The following ZMIZ1 variants were observed in gnomAD, a reference collection of about 807,000 sequenced individuals.
ZMIZ1 encodes zinc finger MIZ domain-containing protein 1.
A neutral mutation model predicts 113.9 loss-of-function variants in ZMIZ1; 17 were observed. The ratio of observed to expected loss-of-function variants is 0.15; its 90% confidence interval spans 0.10 to 0.22. The LOEUF is 0.22. ZMIZ1 is among the 10% of genes least tolerant of loss of function. The pLI is 1.00. For synonymous variants in ZMIZ1, 607 were observed against 603.1 expected, an observed-to-expected ratio of 1.01 and a Z score of -0.09; for missense variants, 1,059 against 1,477.8, an observed-to-expected ratio of 0.72 and a Z score of 4.65.
intron 12 of ZMIZ1, chr10:79,294,949 G>GA (rs1179039178): frequency 6.9e-6 from 1 of 144,944 alleles, no homozygotes; most frequent in East Asian, 2.3e-4. Context: ...GAGAGGGGGG[G>GA]GGGTCAGGGG....
At chr10:79,081,980 C>T (rs770097354) in intron 1 of ZMIZ1, among the ~76,000 whole-genome samples, 15 of 152,252 alleles carry the variant, frequency 9.9e-5, no homozygotes, top group Non-Finnish European at 1.5e-4. Context: ...CGAGGTCACA[C>T]GACAAGTCCC....
chr10:79,284,592 G>A (rs1033558219), intron 8 of ZMIZ1, among the ~76,000 whole-genome samples: 1 of 152,200 alleles, frequency 6.6e-6, no homozygotes, highest in African/African-American at 2.4e-5. Context: ...GTACAGTTGA[G>A]CAGGGTCTTT....
Position 79,168,387 on chromosome 10 carries a change from C to A in ZMIZ1, c.-50+6254C>A, listed in dbSNP as rs531641601. 4.8e-4 allele frequency among the ~76,000 whole-genome samples: 73 copies of A among 152,302 alleles called. 1 individual carries two copies. Among genetic ancestry groups the A allele is most frequent in the African/African-American group, 1.7e-3 (70 of 41,554 alleles). On this transcript the variant is annotated intron_variant, in intron 4 of 24. Coordinates refer to ENST00000334512, the MANE Select transcript of ZMIZ1 (RefSeq NM_020338.4). ...CTCCTTCATCTGCACACAGGCACCC[C>A]ATGGCCTTTTTTTGTCTCTGTTCCT...
At chr10:79,277,380 A>G (rs1342236110) in intron 8 of ZMIZ1, 55 bp downstream of exon 8, 3 of 1,512,166 alleles carry the variant, frequency 2.0e-6, no homozygotes, top group Non-Finnish European at 2.7e-6. Flanking sequence ...CTCTGGTCTC[A>G]GATCTCCTTG....
chr10:79,150,632 G>C (rs2132450048), intron 3 of ZMIZ1, among the ~76,000 whole-genome samples: 1 of 152,336 alleles, frequency 6.6e-6, no homozygotes, highest in East Asian at 1.9e-4. Flanking sequence ...AACAGGGAGA[G>C]GCAGACGCTC....
intron 7 of ZMIZ1, among the ~76,000 whole-genome samples, chr10:79,233,856 C>A (rs1032768470): frequency 2.0e-5 from 3 of 152,216 alleles, no homozygotes; most frequent in African/African-American, 7.2e-5. Flanking sequence ...AGGCTGGCAC[C>A]CAGCTGCTGC....
chr10:79,290,301 C>G (rs1853393532), intron 9 of ZMIZ1, among the ~76,000 whole-genome samples: 1 of 152,318 alleles, frequency 6.6e-6, no homozygotes, highest in South Asian at 2.1e-4. Flanking sequence ...CTCCCTACTC[C>G]CCATTGCCCT....
chr10:79,241,124 T>G (rs1291450582), intron 7 of ZMIZ1, among the ~76,000 whole-genome samples: 1 of 152,044 alleles, frequency 6.6e-6, no homozygotes, highest in Non-Finnish European at 1.5e-5. Context: ...ATAATGGAGG[T>G]CCAAGTGTTG....
intron 13 of ZMIZ1, among the ~76,000 whole-genome samples, chr10:79,297,237 C>T (rs1452168465): frequency 6.6e-6 from 1 of 152,118 alleles, no homozygotes; most frequent in African/African-American, 2.4e-5. Context: ...TATCTTCAGG[C>T]ATATAGCCTT....
At chr10:79,217,738 G>A (rs1284841934) in intron 7 of ZMIZ1, among the ~76,000 whole-genome samples, 2 of 152,170 alleles carry the variant, frequency 1.3e-5, no homozygotes, top group African/African-American at 2.4e-5. Context: ...CATGGATGGC[G>A]CTGCACACAT....
Position 79,180,932 on chromosome 10 carries a change from G to T in ZMIZ1, c.-50+18799G>T, listed in dbSNP as rs951116571. ...TCTGCTCCAGCTAGAATGCCCTCCC[G>T]CCATGGCCTGTGCCTCCCCAAATCC... On this transcript the variant is annotated intron_variant, in intron 4 of 24. Transcript: ENST00000334512. 1.8e-4 allele frequency among the ~76,000 whole-genome samples: 27 copies of T among 152,154 alleles called. 1 individual carries two copies. The highest frequency in any genetic ancestry group is 1.6e-3 in the Admixed American group (24 of 15,286).
chr10:79,170,870 GT>G lies in ZMIZ1; in HGVS notation c.-50+8738del, dbSNP rs1846567601. ...CATGCGGCCCACCATGCCTCTCGTT[GT>G]GTGGTCCATCTAGGATGGGCAGCCC... On this transcript the variant is annotated intron_variant, in intron 4 of 24. Coordinates refer to ENST00000334512, the MANE Select transcript of ZMIZ1 (RefSeq NM_020338.4). Among the ~76,000 whole-genome samples, 4 of 152,292 alleles carry G rather than the reference GT, an allele frequency of 2.6e-5. No homozygotes were observed. In the South Asian group the frequency reaches 8.3e-4, roughly 32 times the overall value.
At chr10:79,234,202 G>C (rs1362039543) in intron 7 of ZMIZ1, among the ~76,000 whole-genome samples, 1 of 152,198 alleles carries the variant, frequency 6.6e-6, no homozygotes, top group Non-Finnish European at 1.5e-5. Context: ...ACATAGTTTG[G>C]AGGCTGGTGC....
At position 79,312,641 on chromosome 10, in the gene ZMIZ1, G is replaced by A. The variant is rs1328045515; in HGVS notation, c.3097-1G>A. The A allele has an allele frequency of 6.2e-7, 1 of 1,614,080 alleles. No homozygotes were observed. The highest frequency in any genetic ancestry group is 2.2e-5 in the East Asian group (1 of 44,882). On this transcript the variant is annotated splice_acceptor_variant, in intron 24 of 24. Coordinates refer to ENST00000334512, the MANE Select transcript of ZMIZ1 (RefSeq NM_020338.4). LOFTEE classifies it high-confidence loss of function. ...GAACTTCATTACTCCTTCTTTTCCA[G>A]CTCCTTCCCGAACTCACAAATCCTG...
intron 23 of ZMIZ1, 142 bp downstream of exon 23, chr10:79,307,713 ACTGAGGCTACGTCGTGCC>A: frequency 1.0e-6 from 1 of 966,264 alleles, no homozygotes; most frequent in Non-Finnish European, 1.5e-6. Flanking sequence ...GAGGGGTCTA[ACTGAGGCTACGTCGTGCC>A]CTGTCAGTGT....
At chr10:79,301,100 G>T (rs1854270917) in intron 17 of ZMIZ1, among the ~76,000 whole-genome samples, 158 bp downstream of exon 17, 1 of 152,088 alleles carries the variant, frequency 6.6e-6, no homozygotes, top group African/African-American at 2.4e-5. Context: ...CCTTACCTGT[G>T]CCCAGGGCCT....
At position 79,112,431 on chromosome 10, in the gene ZMIZ1, G is replaced by A. The variant is rs755609427; in HGVS notation, c.-336-6484G>A. ...TTCAGACCCACTCGGCTCCATCACC[G>A]AAAGTCCTTGGGTGAGCGTAGCAGA... On this transcript the variant is annotated intron_variant, in intron 1 of 24. Coordinates refer to ENST00000334512, the MANE Select transcript of ZMIZ1 (RefSeq NM_020338.4). Among the ~76,000 whole-genome samples, 14 of 152,336 alleles carry A rather than the reference G, an allele frequency of 9.2e-5. No homozygotes were observed. The South Asian group carries it at 1.4e-3, about 16-fold the overall frequency.
At chr10:79,091,644 A>T (rs117913566) in intron 1 of ZMIZ1, among the ~76,000 whole-genome samples, 7 of 152,134 alleles carry the variant, frequency 4.6e-5, no homozygotes, top group Admixed American at 6.5e-5. Flanking sequence ...TAGCTAGAAC[A>T]AGGCAAGGAG....
intron 8 of ZMIZ1, among the ~76,000 whole-genome samples, chr10:79,288,323 C>T (rs1853225006): frequency 6.6e-6 from 1 of 152,226 alleles, no homozygotes; most frequent in Admixed American, 6.5e-5. Flanking sequence ...GAGGTGCCTC[C>T]TCAGCACCTC....
Sources: allele counts gnomAD v4.1 joint callset (sites outside exome capture counted in the v4.1 genomes callset), GRCh38; gene constraint gnomAD v4.1.1; transcripts MANE v1.5; gene names NCBI Gene and HGNC (gene_info 2026-07-23, HGNC 2026-07-21).